The following IGSF11 variants were observed in gnomAD, a reference collection of about 807,000 sequenced individuals.
IGSF11 encodes the protein immunoglobulin superfamily member 11.
IGSF11 carries 22 observed loss-of-function variants against 41.0 expected under a neutral mutation model. That is an observed-to-expected ratio of 0.54 (90% confidence interval 0.38 to 0.77). The LOEUF (loss-of-function observed/expected upper bound fraction) is 0.77. Among genes scored for constraint, IGSF11 ranks in the 30% least tolerant of loss-of-function variants. IGSF11 has a pLI of 0.00. For synonymous variants in IGSF11, 219 were observed against 201.3 expected (o/e 1.09, Z -0.74); for missense variants, 444 against 530.8 (o/e 0.84, Z 1.61).
rs565043311 is a variant in IGSF11, at chr3:119,145,197, G to T, written c.-14+616C>A. 3.3e-5 allele frequency among the ~76,000 whole-genome samples: 5 copies of T among 152,116 alleles called. No individual in the cohort carries two copies. The East Asian group carries it at 7.7e-4, about 23-fold the overall frequency. ...TGGATTTTAAGTCTCATTTCTAATT[G>T]TTTAATGCAGTTAAATCCCTACTAA... On this transcript the variant is annotated intron_variant, in intron 1 of 7. Coordinates refer to the IGSF11 transcript ENST00000425327.
chr3:118,940,009 A>C (rs1002787136), intron 1 of IGSF11, among the ~76,000 whole-genome samples: 1 of 152,316 alleles, frequency 6.6e-6, no homozygotes, highest in African/African-American at 2.4e-5. Flanking sequence ...CAGATATGAA[A>C]GAAGAGACAT....
chr3:118,931,877 C>T (rs1471077798), intron 1 of IGSF11, among the ~76,000 whole-genome samples: 1 of 151,904 alleles, frequency 6.6e-6, no homozygotes, highest in East Asian at 1.9e-4. Context: ...GGACTACAGG[C>T]GCCCGCCACC....
At chr3:119,130,978 A>C (rs1230314563) in intron 1 of IGSF11, among the ~76,000 whole-genome samples, 1 of 152,224 alleles carries the variant, frequency 6.6e-6, no homozygotes, top group Non-Finnish European at 1.5e-5. Flanking sequence ...TGTTAAAAGG[A>C]AAACAAAGAG....
intron 1 of IGSF11, 31 bp from the exon 2 acceptor site, chr3:118,930,306 C>A: frequency 6.3e-7 from 1 of 1,586,780 alleles, no homozygotes; most frequent in Non-Finnish European, 8.6e-7. Context: ...AGGTTATATG[C>A]TCGCCCTTTC....
At chr3:119,131,024 C>G (rs2077474571) in intron 1 of IGSF11, among the ~76,000 whole-genome samples, 1 of 152,088 alleles carries the variant, frequency 6.6e-6, no homozygotes, top group Non-Finnish European at 1.5e-5. Flanking sequence ...CAAAAAAATC[C>G]TCACCAAAAC....
At chr3:119,121,975 A>C (rs1181468132) in intron 1 of IGSF11, among the ~76,000 whole-genome samples, 2 of 152,256 alleles carry the variant, frequency 1.3e-5, no homozygotes, top group Non-Finnish European at 2.9e-5. Context: ...TCATTTAAAA[A>C]TGAAGAAGCG....
At chr3:119,039,633 A>G (rs773340695), upstream of IGSF11, among the ~76,000 whole-genome samples, 1 of 152,186 alleles carries the variant, frequency 6.6e-6, no homozygotes, top group African/African-American at 2.4e-5. Flanking sequence ...CTAGTCCCCC[A>G]TTATCTCTCT....
At chr3:119,012,896 T>C (rs1020258395) in intron 1 of IGSF11, 1 of 152,290 alleles carries the variant, frequency 6.6e-6, no homozygotes, top group Non-Finnish European at 1.5e-5. Context: ...TATTCCTCTA[T>C]TTAAAACCCT....
In IGSF11 at chr3:119,134,742, A is replaced by G. The variant is rs111702448; in HGVS notation, c.-14+11071T>C. On this transcript the variant is annotated intron_variant, in intron 1 of 7. Transcript: ENST00000425327. ...CATATGGAACCAAAAAAGAGTCCAC[A>G]TAGCCAAGACAATCCAAAGCAAAAA... is the stretch of plus-strand genomic sequence containing the variant. Among the ~76,000 whole-genome samples the G allele has an allele frequency of 3.6e-3, 549 of 152,356 alleles. 2 individuals carry two copies. The highest frequency in any genetic ancestry group is 0.012 in the African/African-American group (513 of 41,574).
chr3:118,998,190 ATTGT>A (rs917836952), intron 1 of IGSF11, among the ~76,000 whole-genome samples: 73 of 152,242 alleles, frequency 4.8e-4, no homozygotes, highest in African/African-American at 1.7e-3. Context: ...TTATGACCTA[ATTGT>A]TTGGTTTATT....
chr3:119,052,516 C>A (rs947079458), intron 1 of IGSF11, among the ~76,000 whole-genome samples: 4 of 151,302 alleles, frequency 2.6e-5, no homozygotes, highest in Non-Finnish European at 5.9e-5. Flanking sequence ...AAATTGCCAA[C>A]AAAAAAAGTC....
intron 1 of IGSF11, among the ~76,000 whole-genome samples, chr3:119,008,543 A>G (rs1937687674): frequency 1.3e-5 from 2 of 152,212 alleles, no homozygotes; most frequent in African/African-American, 4.8e-5. Flanking sequence ...AGGAGGAGGA[A>G]GCAATCAACA....
At chr3:119,074,956 C>T (rs748403512) in intron 1 of IGSF11, among the ~76,000 whole-genome samples, 6 of 152,032 alleles carry the variant, frequency 3.9e-5, no homozygotes, top group Admixed American at 6.6e-5. Context: ...AATACCAATG[C>T]TGGCAAAAGA....
At chr3:118,906,087 T>C (rs1302312560) in intron 4 of IGSF11, among the ~76,000 whole-genome samples, 1 of 152,216 alleles carries the variant, frequency 6.6e-6, no homozygotes, top group Non-Finnish European at 1.5e-5. Context: ...ATAAAGATCA[T>C]GTTAAACTTA....
At chr3:119,094,999 A>G (rs2076827229) in intron 1 of IGSF11, among the ~76,000 whole-genome samples, 1 of 152,072 alleles carries the variant, frequency 6.6e-6, no homozygotes, top group Non-Finnish European at 1.5e-5. Context: ...ACACCACATA[A>G]AGGAAGGAGT....
intron 1 of IGSF11, among the ~76,000 whole-genome samples, chr3:119,030,318 T>C (rs1940273899): frequency 6.6e-6 from 1 of 152,192 alleles, no homozygotes; most frequent in South Asian, 2.1e-4. Context: ...CTGTAATATA[T>C]GAGTGAGGCA....
intron 1 of IGSF11, among the ~76,000 whole-genome samples, chr3:119,041,826 C>T (rs1032914278): frequency 6.6e-6 from 1 of 152,106 alleles, no homozygotes; most frequent in Admixed American, 6.5e-5. Flanking sequence ...AAATAAAACT[C>T]TAGCTCCAGG....
rs190649250 is a variant in IGSF11 at position 119,041,225 on chromosome 3, G to A, written c.49+63919C>T. ...AAATATTTGCACTTTGAAAATGTTAGTTAACAAAATTCCAGTGACACTAAT... is the reference window on the plus strand; with the variant it reads ...AAATATTTGCACTTTGAAAATGTTAATTAACAAAATTCCAGTGACACTAAT... On this transcript the variant is annotated intron_variant, in intron 1 of 6. Transcript: ENST00000354673. 1.3e-3 allele frequency among the ~76,000 whole-genome samples: 198 copies of A among 152,292 alleles called. 1 individual carries two copies. The highest frequency in any genetic ancestry group is 1.3e-3 in the Admixed American group (20 of 15,298).
chr3:118,907,612 T>G (rs1939771842), intron 4 of IGSF11, among the ~76,000 whole-genome samples: 1 of 152,340 alleles, frequency 6.6e-6, no homozygotes, highest in African/African-American at 2.4e-5. Flanking sequence ...TGCCTACTCT[T>G]TAGCGTCTGT....
Sources: allele counts gnomAD v4.1 joint callset (sites outside exome capture counted in the v4.1 genomes callset), GRCh38; gene constraint gnomAD v4.1.1; transcripts MANE v1.5; gene names NCBI Gene and HGNC (gene_info 2026-07-23, HGNC 2026-07-21).